Variants in ASIC2 observed in about 807,000 individuals in gnomAD.
The protein encoded by ASIC2 is acid-sensing ion channel 2.
In ASIC2, 25 loss-of-function variants were observed where a neutral mutation model predicts 57.3. That is an observed-to-expected ratio of 0.44 (90% CI 0.32 to 0.61). The LOEUF is 0.61. Among genes scored for constraint, ASIC2 ranks in the 20% least tolerant of loss-of-function variants. ASIC2 has a pLI of 0.06. For missense variants in ASIC2, 641 were observed against 738.1 expected (o/e 0.87, Z 1.52); for synonymous variants, 319 against 307.5 (o/e 1.04, Z -0.39).
intron 1 of ASIC2, among the ~76,000 whole-genome samples, chr17:33,175,367 C>T (rs193024288): frequency 1.3e-5 from 2 of 152,250 alleles, no homozygotes; most frequent in African/African-American, 2.4e-5. Context: ...AAGCAAATCC[C>T]GTGGGTAGCT....
intron 1 of ASIC2, among the ~76,000 whole-genome samples, chr17:33,536,056 A>T (rs1399371509): frequency 6.6e-6 from 1 of 152,236 alleles, no homozygotes; most frequent in African/African-American, 2.4e-5. Context: ...ATTTATGGAG[A>T]TAGTAGAAAA....
intron 1 of ASIC2, among the ~76,000 whole-genome samples, chr17:34,018,619 T>A (rs111341077): frequency 0.019 from 2,927 of 152,258 alleles, 35 homozygotes; most frequent in Non-Finnish European, 0.029. Flanking sequence ...TAGGAAGCAG[T>A]CAAAATGTTA....
At chr17:33,540,943 C>T (rs1219346130) in intron 1 of ASIC2, among the ~76,000 whole-genome samples, 2 of 152,116 alleles carry the variant, frequency 1.3e-5, no homozygotes, top group Admixed American at 6.5e-5. Context: ...CATGTATATT[C>T]TTGATTTCTC....
At chr17:33,089,041 ATGGAGTCC>A in intron 2 of ASIC2, 51 bp from the exon 3 acceptor site, 1 of 1,607,118 alleles carries the variant, frequency 6.2e-7, no homozygotes, top group Non-Finnish European at 8.5e-7. Flanking sequence ...ACAGATGCTC[ATGGAGTCC>A]TGGGATTGAA....
At chr17:33,612,875 A>G (rs1010808858) in intron 1 of ASIC2, among the ~76,000 whole-genome samples, 8 of 152,168 alleles carry the variant, frequency 5.3e-5, no homozygotes, top group East Asian at 1.9e-4. Context: ...TGACAAATAC[A>G]TTGCTGTTGT....
intron 1 of ASIC2, among the ~76,000 whole-genome samples, chr17:33,199,962 C>T (rs750355050): frequency 1.3e-5 from 2 of 152,156 alleles, no homozygotes; most frequent in Non-Finnish European, 2.9e-5. Context: ...CCTCACCGTG[C>T]CCCCTTGCTG....
chr17:34,042,912 A>G (rs1043235083), intron 1 of ASIC2, among the ~76,000 whole-genome samples: 1 of 152,260 alleles, frequency 6.6e-6, no homozygotes, highest in Non-Finnish European at 1.5e-5. Context: ...AGTAAAATAA[A>G]TAAATGTTGA....
intron 1 of ASIC2, among the ~76,000 whole-genome samples, chr17:34,117,518 T>C (rs1199129047): frequency 1.3e-5 from 2 of 152,138 alleles, no homozygotes; most frequent in African/African-American, 4.8e-5. Flanking sequence ...ACCTGAAGCA[T>C]GGGTCTCGTG....
At chr17:33,246,039 A>AAAT (rs1388674145) in intron 1 of ASIC2, among the ~76,000 whole-genome samples, 1 of 151,638 alleles carries the variant, frequency 6.6e-6, no homozygotes, top group Non-Finnish European at 1.5e-5. Flanking sequence ...TAAAAAAAAA[A>AAAT]AAAAGTCACT....
chr17:33,090,498 C>T (rs1213313048), intron 2 of ASIC2, among the ~76,000 whole-genome samples: 2 of 151,926 alleles, frequency 1.3e-5, no homozygotes, highest in Non-Finnish European at 2.9e-5. Flanking sequence ...ATGGACAAGG[C>T]CAACCTGGAG....
At chr17:33,233,935 C>T (rs1285990592) in intron 1 of ASIC2, among the ~76,000 whole-genome samples, 2 of 152,358 alleles carry the variant, frequency 1.3e-5, no homozygotes, top group African/African-American at 4.8e-5. Flanking sequence ...CCTGCTGAGC[C>T]CTGGATGCTG....
At chr17:33,947,460 C>T (rs1904414336) in intron 1 of ASIC2, among the ~76,000 whole-genome samples, 1 of 152,106 alleles carries the variant, frequency 6.6e-6, no homozygotes, top group Admixed American at 6.5e-5. Context: ...GCTGTGGGAA[C>T]ATAGAAGAGG....
rs573643567 is a variant in ASIC2, at chr17:33,173,634, T to G, written c.709-61567A>C. ...TTGTTTGTAGAAGAGACAGCCAGTC[T>G]GATGGTTAGAAGCACCGGCTTTGAC... On this transcript the variant is annotated intron_variant, in intron 1 of 9. Transcript: ENST00000225823. Among the ~76,000 whole-genome samples, 10 of 152,346 alleles carry G rather than the reference T, an allele frequency of 6.6e-5. No individual in the cohort carries two copies. In the East Asian group the frequency reaches 1.9e-3, roughly 29 times the overall value.
At chr17:33,822,668 A>G (rs1912782029) in intron 1 of ASIC2, among the ~76,000 whole-genome samples, 1 of 152,296 alleles carries the variant, frequency 6.6e-6, no homozygotes, top group East Asian at 1.9e-4. Flanking sequence ...TCTTGTCCAT[A>G]TCAACTTTTG....
chr17:33,833,057 T>G (rs182706378), intron 1 of ASIC2, among the ~76,000 whole-genome samples: 1 of 152,108 alleles, frequency 6.6e-6, no homozygotes, highest in Non-Finnish European at 1.5e-5. Flanking sequence ...TTTGAAACAA[T>G]GAGAGTTATA....
intron 1 of ASIC2, among the ~76,000 whole-genome samples, chr17:33,695,665 G>A (rs1908502390): frequency 6.6e-6 from 1 of 152,108 alleles, no homozygotes; most frequent in Non-Finnish European, 1.5e-5. Context: ...TTTTGTATCA[G>A]ACAGATTTTA....
chr17:33,713,212 G>A (rs891465961), intron 1 of ASIC2, among the ~76,000 whole-genome samples: 17 of 152,200 alleles, frequency 1.1e-4, no homozygotes, highest in Admixed American at 1.3e-4. Context: ...GTTTCTGGGG[G>A]CCATCTTGGA....
chr17:33,761,158 T>G (rs533812246), intron 1 of ASIC2, among the ~76,000 whole-genome samples: 21 of 152,346 alleles, frequency 1.4e-4, no homozygotes, highest in Non-Finnish European at 1.6e-4. Context: ...CAATTCTCTA[T>G]GTCCAAACTT....
At chr17:33,799,479 C>CCTTCT (rs1912062841) in intron 1 of ASIC2, among the ~76,000 whole-genome samples, 3 of 40,850 alleles carry the variant, frequency 7.3e-5, no homozygotes, top group African/African-American at 2.6e-4. Flanking sequence ...TCTTTCTTTC[C>CCTTCT]TTCTTTCTTT....
Sources: gnomAD v4.1 joint callset for allele counts (sites outside exome capture counted in the v4.1 genomes callset) on GRCh38, gnomAD v4.1.1 for gene constraint, MANE v1.5 for transcripts, NCBI Gene and HGNC (gene_info 2026-07-23, HGNC 2026-07-21) for gene names.